The following SLCO3A1 variants were observed in gnomAD, a reference collection of about 807,000 sequenced individuals.
The protein encoded by SLCO3A1 is solute carrier organic anion transporter family member 3A1, also known as PGE1 transporter.
A neutral mutation model predicts 63.1 loss-of-function variants in SLCO3A1; 27 were observed. The ratio of observed to expected loss-of-function variants is 0.43; its 90% confidence interval spans 0.32 to 0.59. The LOEUF is 0.59. SLCO3A1 is among the 20% of genes least tolerant of loss of function. SLCO3A1 has a pLI of 0.09. For missense variants in SLCO3A1, 773 were observed against 945.8 expected (o/e 0.82, Z 2.40); for synonymous variants, 473 against 409.9 (o/e 1.15, Z -1.86).
At chr15:92,110,184 C>T (rs1397320794) in intron 4 of SLCO3A1, among the ~76,000 whole-genome samples, 2 of 152,114 alleles carry the variant, frequency 1.3e-5, no homozygotes, top group Non-Finnish European at 2.9e-5. Flanking sequence ...CTTGTAACCT[C>T]CCCTCCCCTC....
chr15:92,094,952 T>A lies in SLCO3A1; in HGVS notation c.718T>A (p.Tyr240Asn). ...FILGSFCTKI[Y>N]VDAVFIDTSN... Reference sequence around the variant, plus strand: ...CCTGGGCTCTTTCTGTACCAAAATCTACGTGGATGCGGTCTTCATTGACAC... The same window carrying A: ...CCTGGGCTCTTTCTGTACCAAAATCAACGTGGATGCGGTCTTCATTGACAC... The change falls in exon 3 of 10, where the codon TAC (tyrosine) becomes AAC (asparagine). Residue 240 changes from tyrosine to asparagine, a missense_variant. Transcript: ENST00000318445. 6.2e-7 allele frequency: 1 copy of A among 1,612,616 alleles called. No homozygotes were observed. The highest frequency in any genetic ancestry group is 8.5e-7 in the Non-Finnish European group (1 of 1,178,592).
At chr15:91,902,786 AGTGTGG>A (rs1898193039) in intron 1 of SLCO3A1, among the ~76,000 whole-genome samples, 1 of 152,122 alleles carries the variant, frequency 6.6e-6, no homozygotes, top group Middle Eastern at 3.2e-3. Flanking sequence ...GGGCAGATAA[AGTGTGG>A]ACTCTGGCAC....
intron 2 of SLCO3A1, among the ~76,000 whole-genome samples, chr15:91,949,516 G>A (rs190837236): frequency 1.1e-3 from 175 of 152,186 alleles, no homozygotes; most frequent in Admixed American, 2.4e-3. Context: ...TGTAATCCTA[G>A]CTACTCCGGA....
intron 2 of SLCO3A1, among the ~76,000 whole-genome samples, chr15:92,054,818 A>G (rs1282602812): frequency 6.6e-6 from 1 of 152,128 alleles, no homozygotes; most frequent in Non-Finnish European, 1.5e-5. Context: ...TCCATAGTGT[A>G]TATGTACCAC....
chr15:91,976,537 C>G (rs1343241217), intron 2 of SLCO3A1, among the ~76,000 whole-genome samples: 1 of 152,150 alleles, frequency 6.6e-6, no homozygotes, highest in East Asian at 1.9e-4. Context: ...GGCTTCGAGA[C>G]TTTTTCCTCC....
intron 2 of SLCO3A1, among the ~76,000 whole-genome samples, chr15:92,077,688 A>G (rs1318021844): frequency 6.6e-6 from 1 of 152,218 alleles, no homozygotes. Context: ...CCATGCCACT[A>G]AAGCTCAGTT....
intron 2 of SLCO3A1, among the ~76,000 whole-genome samples, chr15:91,944,286 G>A (rs1047539217): frequency 1.2e-4 from 18 of 152,240 alleles, no homozygotes; most frequent in Admixed American, 9.2e-4. Flanking sequence ...GGTCTCCAGG[G>A]CTCCCCCTTT....
At chr15:92,156,728 G>A (rs1287013743) in intron 9 of SLCO3A1, among the ~76,000 whole-genome samples, 25 of 152,336 alleles carry the variant, frequency 1.6e-4, no homozygotes. Context: ...GGACATAACA[G>A]TAATTCCACC....
At chr15:92,097,033 C>G (rs1007002758) in intron 3 of SLCO3A1, among the ~76,000 whole-genome samples, 17 of 152,162 alleles carry the variant, frequency 1.1e-4, no homozygotes, top group African/African-American at 3.9e-4. Flanking sequence ...ACAGGGCCAG[C>G]AGAGGGGATA....
At chr15:92,059,600 G>A (rs1045132261) in intron 2 of SLCO3A1, among the ~76,000 whole-genome samples, 17 of 152,162 alleles carry the variant, frequency 1.1e-4, no homozygotes, top group African/African-American at 3.6e-4. Context: ...GATGGCACAC[G>A]AGGAGCCCAG....
chr15:92,066,542 ATG>A (rs1357947868), intron 2 of SLCO3A1, among the ~76,000 whole-genome samples: 1 of 152,220 alleles, frequency 6.6e-6, no homozygotes, highest in African/African-American at 2.4e-5. Flanking sequence ...AGAAATGAGA[ATG>A]TGTCTTACTG....
intron 9 of SLCO3A1, among the ~76,000 whole-genome samples, chr15:92,158,496 A>G (rs1323357318): frequency 6.6e-6 from 1 of 152,158 alleles, no homozygotes; most frequent in Non-Finnish European, 1.5e-5. Context: ...GGGACGCATA[A>G]TGGATGTGGA....
chr15:92,012,995 G>A (rs568396636), intron 2 of SLCO3A1, among the ~76,000 whole-genome samples: 13 of 152,300 alleles, frequency 8.5e-5, no homozygotes, highest in Admixed American at 4.6e-4. Flanking sequence ...AAGACCCTGC[G>A]TCACACGGTC....
intron 8 of SLCO3A1, 89 bp from the exon 9 acceptor site, chr15:92,150,861 G>A: frequency 1.2e-6 from 1 of 834,582 alleles, no homozygotes. Context: ...GAGCTCTGAT[G>A]GACAGCAGCA....
intron 2 of SLCO3A1, among the ~76,000 whole-genome samples, chr15:92,034,374 A>G (rs1408724322): frequency 8.0e-6 from 1 of 124,476 alleles, no homozygotes; most frequent in African/African-American, 3.7e-5. Flanking sequence ...TGGATGCGCT[A>G]TGCTGGAGAT....
At chr15:91,931,140 C>T (rs1476696363) in intron 2 of SLCO3A1, among the ~76,000 whole-genome samples, 1 of 152,178 alleles carries the variant, frequency 6.6e-6, no homozygotes, top group African/African-American at 2.4e-5. Flanking sequence ...CCTTCCAAAC[C>T]GTAGTTACTG....
intron 2 of SLCO3A1, among the ~76,000 whole-genome samples, chr15:92,028,287 G>T (rs1267663546): frequency 6.6e-6 from 1 of 152,112 alleles, no homozygotes; most frequent in African/African-American, 2.4e-5. Flanking sequence ...CCAAATCCGA[G>T]GCCTCCAGGT....
At chr15:92,028,981 A>C (rs2046612813) in intron 2 of SLCO3A1, among the ~76,000 whole-genome samples, 2 of 135,202 alleles carry the variant, frequency 1.5e-5, no homozygotes, top group Admixed American at 7.9e-5. Flanking sequence ...TGGTCAAACA[A>C]CCCCCAAAAC....
At chr15:91,913,113 A>G (rs1371188748) in intron 1 of SLCO3A1, among the ~76,000 whole-genome samples, 2 of 152,240 alleles carry the variant, frequency 1.3e-5, no homozygotes, top group Non-Finnish European at 2.9e-5. Flanking sequence ...GGACTAGCTA[A>G]ACTTCGTTTC....
Sources: allele counts gnomAD v4.1 joint callset (sites outside exome capture counted in the v4.1 genomes callset), GRCh38; gene constraint gnomAD v4.1.1; transcripts MANE v1.5; gene names NCBI Gene and HGNC (gene_info 2026-07-23, HGNC 2026-07-21).